Variants in ETV7 observed in about 807,000 individuals in gnomAD.
ETV7 encodes the protein ETS variant transcription factor 7.
ETV7 carries 43 observed loss-of-function variants against 39.1 expected under a neutral mutation model. The ratio of observed to expected loss-of-function variants is 1.10; its 90% CI spans 0.86 to 1.42. ETV7 has a LOEUF of 1.42. ETV7 is among the 40% of genes most tolerant of loss of function. The probability of loss-of-function intolerance (pLI) is 0.00; values close to 1 mark genes in which losing one functional copy is unlikely to be tolerated. For missense variants in ETV7, 432 were observed against 442.3 expected (o/e 0.98, Z 0.21); for synonymous variants, 196 against 176.6 (o/e 1.11, Z -0.87).
Position 36,368,337 on chromosome 6 carries a change from AT to A in ETV7, c.807+591del, listed in dbSNP as rs373287954. ...TATCGTTAATAGTTTTCTTTAAAAGATTTTTTTTACTTAAAGAAACCTATTT... is the reference window on the plus strand; with the variant it reads ...TATCGTTAATAGTTTTCTTTAAAAGATTTTTTTACTTAAAGAAACCTATTT... On this transcript the variant is annotated intron_variant, in intron 6 of 7. Coordinates refer to ENST00000340181, the MANE Select transcript of ETV7 (RefSeq NM_016135.4). Among the ~76,000 whole-genome samples the A allele has an allele frequency of 5.2e-3, 786 of 152,210 alleles. 9 individuals are homozygous for A. Among genetic ancestry groups the A allele is most frequent in the South Asian group, 0.025 (119 of 4,806 alleles).
chr6:36,373,079 C>T (rs1773115301), intron 4 of ETV7, among the ~76,000 whole-genome samples: 1 of 151,748 alleles, frequency 6.6e-6, no homozygotes, highest in Non-Finnish European at 1.5e-5. Flanking sequence ...GGAGAGGTGA[C>T]CCCCAGGGTC....
chr6:36,361,317 G>A (rs569222077), downstream of ETV7, among the ~76,000 whole-genome samples: 10 of 152,348 alleles, frequency 6.6e-5, no homozygotes, highest in South Asian at 1.7e-3. Context: ...CTCCCTCTGA[G>A]CTCACACTGC....
At chr6:36,379,207 C>T (rs1773526618) in intron 2 of ETV7, among the ~76,000 whole-genome samples, 1 of 152,156 alleles carries the variant, frequency 6.6e-6, no homozygotes. Flanking sequence ...GTGTAGTTCC[C>T]CTAGTTCACC....
chr6:36,368,318 T>C (rs111811011), intron 6 of ETV7, among the ~76,000 whole-genome samples: 4,816 of 152,344 alleles, frequency 0.032, 158 homozygotes, highest in African/African-American at 0.088. Flanking sequence ...TCATTATCGT[T>C]AATAGTTTTC....
In ETV7 at chr6:36,373,573, C is replaced by T. The variant is rs767989439; in HGVS notation, c.313G>A (p.Val105Ile). 18 of 1,014,538 alleles carry T rather than the reference C, an allele frequency of 1.8e-5. No individual in the cohort carries two copies. Among genetic ancestry groups the T allele is most frequent in the East Asian group, 6.1e-5 (1 of 16,292 alleles). 62.8% of individuals were successfully genotyped at this position (1,014,538 alleles called of 1,614,324 possible). A position where few individuals can be genotyped will look rare whatever the true frequency, so the allele number is the denominator to read the frequency against. The change falls in exon 4 of 8, where the codon GTC (valine) becomes ATC (isoleucine). Residue 105 changes from valine to isoleucine, a missense_variant. Coordinates refer to ENST00000340181, the MANE Select transcript of ETV7 (RefSeq NM_016135.4). ...FRHRAPSSGD[V>I]LYELLQYIKT... is the part of the protein sequence containing the mutation. ...ATGTACTGGAGCAGCTCATACAGGA[C>T]GTCACCTGGAGGTGGGTGGGAGGGA...
rs555187154 is a variant in ETV7 at position 36,379,359 on chromosome 6, A to G, written c.143-3324T>C. Among the ~76,000 whole-genome samples the G allele has an allele frequency of 1.4e-3, 207 of 152,244 alleles. 1 individual carries two copies. The highest frequency in any genetic ancestry group is 2.3e-3 in the Non-Finnish European group (155 of 68,024). ...GGAGTTTGAGACCAACCTGGACAAC[A>G]TAGTTAGACCCTTGACTCTACAAAC... On this transcript the variant is annotated intron_variant, in intron 2 of 7. Transcript: ENST00000340181.
At chr6:36,358,173 C>CT (rs1342852767) in intron 7 of ETV7, among the ~76,000 whole-genome samples, 2 of 152,244 alleles carry the variant, frequency 1.3e-5, no homozygotes, top group African/African-American at 4.8e-5. Flanking sequence ...TGACGTAGGG[C>CT]TGGCCTCCTT....
chr6:36,361,562 C>G (rs1017183423), downstream of ETV7, among the ~76,000 whole-genome samples: 1 of 152,118 alleles, frequency 6.6e-6, no homozygotes, highest in African/African-American at 2.4e-5. Context: ...AGTTAAGAGC[C>G]CAAGACCCAG....
chr6:36,358,884 A>C (rs144025023), intron 7 of ETV7, among the ~76,000 whole-genome samples: 366 of 152,332 alleles, frequency 2.4e-3, no homozygotes, highest in African/African-American at 8.5e-3. Flanking sequence ...CAGCCAGAGC[A>C]CTTTCAACAA....
chr6:36,371,293 G>A, intron 5 of ETV7, 37 bp downstream of exon 5: 1 of 1,535,984 alleles, frequency 6.5e-7, no homozygotes, highest in Non-Finnish European at 8.8e-7. Context: ...CAGACTCAGT[G>A]CACCTTCCAT....
chr6:36,375,068 CA>C (rs34962714), intron 3 of ETV7, among the ~76,000 whole-genome samples: 44,304 of 131,632 alleles, frequency 0.34, 6,825 homozygotes, highest in Middle Eastern at 0.45. Flanking sequence ...GACTCCATCT[CA>C]AAAAAAAAAA....
At chr6:36,367,024 C>T in intron 6 of ETV7, 49 bp from the exon 7 acceptor site, 1 of 1,409,132 alleles carries the variant, frequency 7.1e-7, no homozygotes, top group Non-Finnish European at 1.0e-6. Flanking sequence ...ATGTCCTGCT[C>T]CTTCCACACC....
chr6:36,371,626 A>T, intron 4 of ETV7, 66 bp from the exon 5 acceptor site: 1 of 1,367,942 alleles, frequency 7.3e-7, no homozygotes, highest in East Asian at 2.5e-5. Context: ...TCAATCCCTC[A>T]ATGGTGAGCC....
chr6:36,383,574 A>G (rs899357510), intron 2 of ETV7, among the ~76,000 whole-genome samples: 1 of 152,166 alleles, frequency 6.6e-6, no homozygotes, highest in African/African-American at 2.4e-5. Flanking sequence ...GTGACGGGGA[A>G]TAAACATCAG....
At chr6:36,368,889 T>C (rs1561904054) in intron 6 of ETV7, 40 bp downstream of exon 6, 5 of 1,613,818 alleles carry the variant, frequency 3.1e-6, no homozygotes, top group Non-Finnish European at 4.2e-6. Flanking sequence ...CTCTGTCCCC[T>C]TCTGGTTATG....
At chr6:36,371,962 C>T (rs1446052111) in intron 4 of ETV7, among the ~76,000 whole-genome samples, 1 of 152,176 alleles carries the variant, frequency 6.6e-6, no homozygotes, top group Non-Finnish European at 1.5e-5. Flanking sequence ...CTCCCAAAGC[C>T]CCTGCCCTCA....
At chr6:36,381,517 TC>T (rs1291319884) in intron 2 of ETV7, among the ~76,000 whole-genome samples, 9 of 152,190 alleles carry the variant, frequency 5.9e-5, no homozygotes, top group African/African-American at 2.2e-4. Flanking sequence ...AGGATGCTGA[TC>T]ATCAGACCCC....
downstream of ETV7, among the ~76,000 whole-genome samples, chr6:36,363,010 T>G (rs1772557603): frequency 6.6e-6 from 1 of 152,196 alleles, no homozygotes. Flanking sequence ...CTGGGCCATG[T>G]GATCTTGCGC....
At chr6:36,370,809 G>A (rs190424750) in intron 5 of ETV7, among the ~76,000 whole-genome samples, 2 of 152,324 alleles carry the variant, frequency 1.3e-5, no homozygotes, top group African/African-American at 4.8e-5. Context: ...CAGAGTGGAA[G>A]TGTATCATTT....
Sources: gnomAD v4.1 joint callset for allele counts (sites outside exome capture counted in the v4.1 genomes callset) on GRCh38, gnomAD v4.1.1 for gene constraint, MANE v1.5 for transcripts, NCBI Gene and HGNC (gene_info 2026-07-23, HGNC 2026-07-21) for gene names.